PSMB7: variants seen among roughly 807,000 people sequenced by gnomAD.
PSMB7 encodes the protein proteasome 20S subunit beta 7.
Under a neutral mutation model 28.1 loss-of-function variants are expected in PSMB7, and 5 were observed. The observed-to-expected ratio is 0.18, with a 90% confidence interval of 0.09 to 0.37. PSMB7 has a LOEUF of 0.37. Ranked by LOEUF, PSMB7 falls within the 10% of genes least tolerant of loss-of-function variation. The pLI is 1.00. For synonymous variants in PSMB7, 122 were observed against 123.7 expected (o/e 0.99, Z 0.09); for missense variants, 275 against 346.2 (o/e 0.79, Z 1.63).
At chr9:124,408,390 G>A (rs560867604) in intron 4 of PSMB7, among the ~76,000 whole-genome samples, 2 of 152,230 alleles carry the variant, frequency 1.3e-5, no homozygotes, top group South Asian at 4.1e-4. Context: ...AAGGTTCGTA[G>A]AATACCTAAT....
chr9:124,415,329 T>C, intron 1 of PSMB7, 35 bp downstream of exon 1: 2 of 1,606,174 alleles, frequency 1.2e-6, no homozygotes, highest in South Asian at 1.1e-5. Context: ...CGCACTCTTC[T>C]CCCTCCCTGA....
chr9:124,355,585 T>C (rs770906023), intron 7 of PSMB7, among the ~76,000 whole-genome samples: 7 of 152,236 alleles, frequency 4.6e-5, no homozygotes, highest in South Asian at 2.1e-4. Context: ...ACTTGGCTCC[T>C]GCCTACCTGG....
chr9:124,372,127 A>G (rs1830569673), intron 6 of PSMB7, among the ~76,000 whole-genome samples: 1 of 152,232 alleles, frequency 6.6e-6, no homozygotes, highest in Non-Finnish European at 1.5e-5. Context: ...ACAATAGAAT[A>G]CCTATCCCTT....
At position 124,367,751 on chromosome 9, in the gene PSMB7, C is replaced by T. The variant is rs183085274; in HGVS notation, c.571-10836G>A. Among the ~76,000 whole-genome samples the T allele has an allele frequency of 2.5e-3, 386 of 152,254 alleles. 1 individual carries two copies. Among genetic ancestry groups the T allele is most frequent in the African/African-American group, 9.2e-3 (383 of 41,542 alleles). On this transcript the variant is annotated intron_variant, in intron 6 of 7. Coordinates refer to ENST00000259457, the MANE Select transcript of PSMB7 (RefSeq NM_002799.4). ...TAAAACCCCCAAGCACCAGGATGGT[C>T]ATGAGGATGATACGAAGTGTCATGC... is the stretch of plus-strand genomic sequence containing the variant.
intron 6 of PSMB7, among the ~76,000 whole-genome samples, chr9:124,361,430 C>T (rs1830464752): frequency 6.6e-6 from 1 of 152,102 alleles, no homozygotes; most frequent in Non-Finnish European, 1.5e-5. Context: ...CTTGAGGGGA[C>T]AAAACAGACC....
At chr9:124,400,208 CG>C (rs1473914638) in intron 5 of PSMB7, among the ~76,000 whole-genome samples, 21 of 152,174 alleles carry the variant, frequency 1.4e-4, no homozygotes, top group Admixed American at 1.2e-3. Context: ...GTCTATCCCT[CG>C]GGGGTAAGGG....
At chr9:124,374,496 T>A (rs971249777) in intron 6 of PSMB7, among the ~76,000 whole-genome samples, 21 of 152,214 alleles carry the variant, frequency 1.4e-4, no homozygotes, top group Non-Finnish European at 2.8e-4. Flanking sequence ...TAGTTACAAG[T>A]CAATCAATAA....
intron 7 of PSMB7, among the ~76,000 whole-genome samples, chr9:124,354,005 T>C (rs568195754): frequency 6.6e-6 from 1 of 152,284 alleles, no homozygotes; most frequent in South Asian, 2.1e-4. Context: ...AAGCACTTGG[T>C]CCCTTGACAT....
chr9:124,380,109 G>A (rs1830650656), intron 6 of PSMB7, among the ~76,000 whole-genome samples: 1 of 152,190 alleles, frequency 6.6e-6, no homozygotes, highest in African/African-American at 2.4e-5. Context: ...ACTGCTGGTG[G>A]GCACCAGTGG....
At chr9:124,365,523 G>A (rs918806909) in intron 6 of PSMB7, among the ~76,000 whole-genome samples, 4 of 152,194 alleles carry the variant, frequency 2.6e-5, no homozygotes, top group African/African-American at 9.7e-5. Flanking sequence ...TAAGCAGCAG[G>A]AAGACACAAA....
chr9:124,355,098 A>C (rs1830388172), intron 7 of PSMB7, among the ~76,000 whole-genome samples: 1 of 152,210 alleles, frequency 6.6e-6, no homozygotes, highest in South Asian at 2.1e-4. Context: ...CCCCTAACTC[A>C]GGCAGTGCCC....
chr9:124,377,249 T>C (rs1057431272), intron 6 of PSMB7, among the ~76,000 whole-genome samples: 2 of 152,182 alleles, frequency 1.3e-5, no homozygotes, highest in Non-Finnish European at 2.9e-5. Context: ...GATGCCCCTC[T>C]TCCCAGAGTC....
chr9:124,415,277 G>A, intron 1 of PSMB7, 87 bp downstream of exon 1: 1 of 1,387,630 alleles, frequency 7.2e-7, no homozygotes, highest in Non-Finnish European at 1.0e-6. Context: ...TCTTCCCTCA[G>A]AATTCTCGTA....
intron 6 of PSMB7, among the ~76,000 whole-genome samples, chr9:124,361,390 C>A (rs1026432851): frequency 6.6e-6 from 1 of 152,140 alleles, no homozygotes; most frequent in Admixed American, 6.5e-5. Context: ...ACGTCGGCCA[C>A]GTAATGGTCA....
Position 124,356,709 on chromosome 9 carries a change from C to T in PSMB7, c.722+55G>A. On this transcript the variant is annotated intron_variant, in intron 7 of 7. Coordinates refer to ENST00000259457, the MANE Select transcript of PSMB7 (RefSeq NM_002799.4). The surrounding 1 kb of genome is among the most constrained non-coding windows in gnomAD (Gnocchi z 4.4). ...CTCCATCCAGATGCCATGGAGATAC[C>T]AAGGGTGGCCACGACGCCAGGGGAC... is the stretch of plus-strand genomic sequence containing the variant. 6.4e-7 allele frequency: 1 copy of T among 1,571,684 alleles called. No individual in the cohort carries two copies. The highest frequency in any genetic ancestry group is 8.7e-7 in the Non-Finnish European group (1 of 1,151,222).
intron 4 of PSMB7, among the ~76,000 whole-genome samples, chr9:124,411,925 T>C (rs1379396383): frequency 2.0e-5 from 3 of 151,412 alleles, no homozygotes; most frequent in Non-Finnish European, 4.4e-5. Context: ...CAGCCAATTA[T>C]AAATATCACT....
At chr9:124,367,370 C>T (rs1350909020) in intron 6 of PSMB7, among the ~76,000 whole-genome samples, 3 of 152,106 alleles carry the variant, frequency 2.0e-5, no homozygotes, top group Non-Finnish European at 4.4e-5. Context: ...TTCTCATCAA[C>T]CCACCCAAAT....
chr9:124,354,103 G>A (rs1305876638), intron 7 of PSMB7, among the ~76,000 whole-genome samples: 4 of 152,170 alleles, frequency 2.6e-5, no homozygotes, highest in Admixed American at 6.5e-5. Context: ...TTGCTCTTCC[G>A]TGCAGCAACA....
chr9:124,363,611 G>A (rs564856278), intron 6 of PSMB7, among the ~76,000 whole-genome samples: 1 of 152,310 alleles, frequency 6.6e-6, no homozygotes, highest in East Asian at 1.9e-4. Context: ...GAGCCGAGCT[G>A]CAGCTGGTGC....
Sources: gnomAD v4.1 joint callset for allele counts (sites outside exome capture counted in the v4.1 genomes callset) on GRCh38, gnomAD v4.1.1 for gene constraint, Gnocchi (gnomAD v3.1) non-coding constraint, MANE v1.5 for transcripts, NCBI Gene and HGNC (gene_info 2026-07-23, HGNC 2026-07-21) for gene names.